Variants in CHD1 observed in about 807,000 individuals in gnomAD.
CHD1 encodes ATP-dependent chromatin remodeler CHD1.
A neutral mutation model predicts 224.2 loss-of-function variants in CHD1; 36 were observed. That is an observed-to-expected ratio of 0.16 (90% CI 0.12 to 0.21). CHD1 has a LOEUF of 0.21. Ranked by LOEUF, CHD1 falls within the 10% of genes least tolerant of loss-of-function variation. The pLI, the probability that CHD1 is intolerant of heterozygous loss-of-function variation, is 1.00. For synonymous variants in CHD1, 668 were observed against 658.3 expected (o/e 1.01, Z -0.23); for missense variants, 1,378 against 1,994.8 (o/e 0.69, Z 5.89).
chr5:98,899,576 T>C lies in CHD1; in HGVS notation c.989A>G (p.Asn330Ser). 3.1e-6 allele frequency: 5 copies of C among 1,613,848 alleles called. No homozygotes were observed. The highest frequency in any genetic ancestry group is 4.2e-6 in the Non-Finnish European group (5 of 1,179,812). The change falls in exon 8 of 36, where the codon AAC (asparagine) becomes AGC (serine). Residue 330 changes from asparagine to serine, a missense_variant. This residue lies in a region of CHD1 where 6 missense variants were observed against 37.0 expected (regional missense o/e 0.16). Coordinates refer to ENST00000614616, the MANE Select transcript of CHD1 (RefSeq NM_001270.4). ...GAGGGTTTCTTCTGTCTCCCAAGTGTTGTGGATATGGGACCATCCTTTCCA... is the reference window on the plus strand; with the variant it reads ...GAGGGTTTCTTCTGTCTCCCAAGTGCTGTGGATATGGGACCATCCTTTCCA... ...IKWKGWSHIHNTWETEETLKQ... is the reference protein window; with the variant it reads ...IKWKGWSHIHSTWETEETLKQ...
intron 5 of CHD1, 57 bp from the exon 6 acceptor site, chr5:98,901,392 C>T: frequency 2.9e-6 from 4 of 1,396,016 alleles, no homozygotes; most frequent in Middle Eastern, 1.8e-4. Flanking sequence ...AGTTTTATCC[C>T]TAATACAAAG....
chr5:98,898,140 G>T (rs1291539289), intron 10 of CHD1, 116 bp downstream of exon 10: 2 of 512,386 alleles, frequency 3.9e-6, no homozygotes, highest in Non-Finnish European at 6.0e-6. Flanking sequence ...TATTAACCAA[G>T]AAATATTCTC....
In CHD1 at chr5:98,876,622, C is replaced by A. The variant is rs565275279; in HGVS notation, c.3238-64G>T. 8.1e-6 allele frequency: 11 copies of A among 1,366,340 alleles called. No individual in the cohort carries two copies. In the Admixed American group the frequency reaches 1.6e-4, roughly 20 times the overall value. The allele number at this position is 1,366,340 out of a possible 1,614,324, so 84.6% of individuals were successfully genotyped here. On this transcript the variant is annotated intron_variant, in intron 23 of 35. Transcript: ENST00000614616. ...ACAGCTTGTATCTTAAGAGCAAAAA[C>A]CATTATAAAAGATGGTCGGAATCTT...
chr5:98,876,152 T>G (rs1422427051), intron 24 of CHD1, among the ~76,000 whole-genome samples: 1 of 152,068 alleles, frequency 6.6e-6, no homozygotes, highest in Non-Finnish European at 1.5e-5. Flanking sequence ...TGAGTCAAAT[T>G]AATAAAAAAA....
Position 98,856,717 on chromosome 5 carries a change from C to T in CHD1, c.4796G>A (p.Ser1599Asn). ...DHYKQDSRYYSDREKHRKLDD... is the reference protein window; with the variant it reads ...DHYKQDSRYYNDREKHRKLDD... ...CAGTTTTCTGTGTTTCTCTCTGTCA[C>T]TGTAATATCTAATAAAGAAAAATTG... The change falls in exon 36 of 36, where the codon AGT (serine) becomes AAT (asparagine). Residue 1599 changes from serine (S) to asparagine (N), a missense_variant. Ser to Asn is a conservative substitution (Grantham distance 46). Around this residue, in one of 16 missense-constraint regions of CHD1, gnomAD observed 278 missense variants for 298.5 expected, o/e 0.93. Coordinates refer to ENST00000614616, the MANE Select transcript of CHD1 (RefSeq NM_001270.4). The T allele has an allele frequency of 6.3e-7, 1 of 1,575,170 alleles. No homozygotes were observed. Among genetic ancestry groups the T allele is most frequent in the Non-Finnish European group, 8.7e-7 (1 of 1,152,216 alleles).
At position 98,897,216 on chromosome 5, in the gene CHD1, A is replaced by G. The variant is rs755437998; in HGVS notation, c.1470T>C (p.Asn490=). 4 of 1,611,686 alleles carry G rather than the reference A, an allele frequency of 2.5e-6. No individual in the cohort carries two copies. The East Asian group carries it at 8.9e-5, about 36-fold the overall frequency. Residue 490 remains asparagine (N), a synonymous_variant, in exon 11 of 36, where the codon AAT becomes AAC. Transcript: ENST00000614616. The part of the protein sequence containing the change: ...ELRDYQLNGL[N]WLAHSWCKGN... The stretch of plus-strand genomic sequence containing the variant: ...ACTTGCACCAAGAATGAGCAAGCCA[A>G]TTTAAACCATTCAGTTGATAATCTC...
At chr5:98,905,175 C>T in intron 2 of CHD1, 77 bp from the exon 3 acceptor site, 1 of 1,541,692 alleles carries the variant, frequency 6.5e-7, no homozygotes, top group Non-Finnish European at 8.8e-7. Context: ...CAGAAAGCCC[C>T]AAATCATTAA....
chr5:98,888,329 T>TC, intron 16 of CHD1, 89 bp from the exon 17 acceptor site: 1 of 944,158 alleles, frequency 1.1e-6, no homozygotes, highest in Non-Finnish European at 1.5e-6. Flanking sequence ...TTATTTTAAA[T>TC]TGAGATTTTA....
At chr5:98,880,099 T>TTATGTA (rs1263691279) in intron 22 of CHD1, among the ~76,000 whole-genome samples, 2 of 152,218 alleles carry the variant, frequency 1.3e-5, no homozygotes, top group African/African-American at 4.8e-5. Flanking sequence ...CTAATATCAT[T>TTATGTA]TTTATGGTCA....
In CHD1 at chr5:98,883,172, A is replaced by G. The variant is rs781241772; in HGVS notation, c.2634T>C (p.Thr878=). 2 of 1,610,008 alleles carry G rather than the reference A, an allele frequency of 1.2e-6. No homozygotes were observed. ...TCCAATCGGAATCAAATATAACAACAGTGTCAGCAGAGGCTAAATTAATCC... is the reference window on the plus strand; with the variant it reads ...TCCAATCGGAATCAAATATAACAACGGTGTCAGCAGAGGCTAAATTAATCC... ...GLGINLASAD[T]VVIFDSDWNP... Residue 878 remains threonine, a synonymous_variant, in exon 19 of 36, where the codon ACT becomes ACC. Coordinates refer to ENST00000614616, the MANE Select transcript of CHD1 (RefSeq NM_001270.4).
chr5:98,863,446 T>C lies in CHD1; in HGVS notation c.4389A>G (p.Lys1463=), dbSNP rs1459919716. 1.2e-6 allele frequency: 2 copies of C among 1,600,594 alleles called. No homozygotes were observed. Among genetic ancestry groups the C allele is most frequent in the African/African-American group, 1.4e-5 (1 of 74,022 alleles). ...TAATTTGTTCAGGATTTGTATACTCTTTTAGACATTCTGTGATATGGTCTC... is the reference window on the plus strand; with the variant it reads ...TAATTTGTTCAGGATTTGTATACTCCTTTAGACATTCTGTGATATGGTCTC... ...KIGDHITECL[K]EYTNPEQIKQ... The change falls in exon 32 of 36, where the codon AAA becomes AAG. Residue 1463 remains lysine, a synonymous_variant. Coordinates refer to ENST00000614616, the MANE Select transcript of CHD1 (RefSeq NM_001270.4).
intron 2 of CHD1, among the ~76,000 whole-genome samples, chr5:98,922,615 C>G (rs1753176533): frequency 6.6e-6 from 1 of 152,042 alleles, no homozygotes; most frequent in African/African-American, 2.4e-5. Flanking sequence ...AGAATTCTAG[C>G]CACTAAAAAA....
chr5:98,904,291 G>T (rs1751909593), intron 3 of CHD1, among the ~76,000 whole-genome samples: 1 of 152,170 alleles, frequency 6.6e-6, no homozygotes, highest in Non-Finnish European at 1.5e-5. Flanking sequence ...CGGGGGGCCG[G>T]TAGCAACATT....
intron 32 of CHD1, among the ~76,000 whole-genome samples, chr5:98,860,843 C>A (rs1027003637): frequency 6.6e-6 from 1 of 152,016 alleles, no homozygotes; most frequent in Admixed American, 6.6e-5. Context: ...TTGAATGATA[C>A]CTTACTGAAA....
At chr5:98,909,538 T>C (rs9790858) in intron 2 of CHD1, among the ~76,000 whole-genome samples, 26,408 of 152,110 alleles carry the variant, frequency 0.17, 2,359 homozygotes, top group Middle Eastern at 0.33. Flanking sequence ...CTGATGATGA[T>C]ATGTCTTCCT....
chr5:98,880,552 T>C lies in CHD1; in HGVS notation c.3060+524A>G, dbSNP rs532018366. Among the ~76,000 whole-genome samples the C allele has an allele frequency of 4.6e-5, 7 of 152,356 alleles. No individual in the cohort carries two copies. The South Asian group carries it at 1.2e-3, about 27-fold the overall frequency. ...AGAGAAACCTGTTTCTTCAAACAAA[T>C]GGCACTTAACTTACTCCATGAGGTC... On this transcript the variant is annotated intron_variant, in intron 22 of 35. Transcript: ENST00000614616.
At chr5:98,911,146 AATATATATATATATAT>A (rs1158932549) in intron 2 of CHD1, among the ~76,000 whole-genome samples, 6 of 39,144 alleles carry the variant, frequency 1.5e-4, no homozygotes, top group African/African-American at 2.4e-4. Flanking sequence ...AAAAAAAAAA[AATATATATATATATAT>A]ATATATATAT....
intron 24 of CHD1, among the ~76,000 whole-genome samples, chr5:98,876,155 TA>T (rs145458353): frequency 4.6e-5 from 7 of 152,024 alleles, no homozygotes; most frequent in African/African-American, 1.2e-4. Flanking sequence ...GTCAAATTAA[TA>T]AAAAAAATTG....
chr5:98,908,002 C>T (rs1260927008), intron 2 of CHD1, among the ~76,000 whole-genome samples: 6 of 152,088 alleles, frequency 3.9e-5, no homozygotes, highest in Non-Finnish European at 5.9e-5. Flanking sequence ...AATTTTATTT[C>T]CACCTACTGC....
Sources: gnomAD v4.1 joint callset for allele counts (sites outside exome capture counted in the v4.1 genomes callset) on GRCh38, gnomAD v4.1.1 for gene constraint, gnomAD v4.1.1 regional missense constraint, MANE v1.5 for transcripts, NCBI Gene and HGNC (gene_info 2026-07-23, HGNC 2026-07-21) for gene names.